The following IMMP2L variants were observed in gnomAD, a reference collection of about 807,000 sequenced individuals.
The protein encoded by IMMP2L is mitochondrial inner membrane protease subunit 2.
A neutral mutation model predicts 19.3 loss-of-function variants in IMMP2L; 18 were observed. The ratio of observed to expected loss-of-function variants is 0.93; its 90% CI spans 0.64 to 1.38. IMMP2L has a LOEUF of 1.38. Among genes scored for constraint, IMMP2L ranks in the 40% most tolerant of loss-of-function variants. IMMP2L has a pLI of 0.00. For synonymous variants in IMMP2L, 76 were observed against 73.0 expected, an observed-to-expected ratio of 1.04 and a Z score of -0.21; for missense variants, 233 against 218.2, an observed-to-expected ratio of 1.07 and a Z score of -0.43.
chr7:110,818,380 C>T (rs571574014), intron 5 of IMMP2L, among the ~76,000 whole-genome samples: 2 of 152,112 alleles, frequency 1.3e-5, no homozygotes, highest in Admixed American at 6.5e-5. Flanking sequence ...TCATCACTGG[C>T]CATCAGAGAA....
intron 3 of IMMP2L, among the ~76,000 whole-genome samples, chr7:111,088,135 C>T (rs949509413): frequency 3.9e-5 from 6 of 151,958 alleles, no homozygotes; most frequent in African/African-American, 1.2e-4. Flanking sequence ...AGCACACAGG[C>T]GAATAAAGCC....
intron 3 of IMMP2L, among the ~76,000 whole-genome samples, chr7:111,039,110 G>A (rs1670896930): frequency 6.6e-6 from 1 of 151,944 alleles, no homozygotes; most frequent in African/African-American, 2.4e-5. Flanking sequence ...CTGCTTTGGA[G>A]GCATAAAGAT....
At chr7:110,670,709 A>AC (rs140999830) in intron 5 of IMMP2L, among the ~76,000 whole-genome samples, 1,477 of 144,618 alleles carry the variant, frequency 0.01, 10 homozygotes, top group African/African-American at 0.017. Flanking sequence ...AAAAAACAAA[A>AC]AAAACAAAAA....
chr7:111,558,471 C>T (rs145556309), intron 1 of IMMP2L, among the ~76,000 whole-genome samples: 1,613 of 152,328 alleles, frequency 0.011, 32 homozygotes, highest in African/African-American at 0.036. Flanking sequence ...ATTACACTCA[C>T]TCACTGAATT....
intron 4 of IMMP2L, among the ~76,000 whole-genome samples, chr7:110,928,757 A>G (rs11973280): frequency 2.0e-5 from 3 of 152,112 alleles, no homozygotes; most frequent in African/African-American, 4.8e-5. Context: ...ATCCCTCACC[A>G]ACTGCTCTAT....
chr7:111,177,130 AC>A (rs1807160124), intron 3 of IMMP2L, among the ~76,000 whole-genome samples: 1 of 151,994 alleles, frequency 6.6e-6, no homozygotes, highest in Non-Finnish European at 1.5e-5. Context: ...AGCACAACAA[AC>A]ACTTGAGTAG....
chr7:111,404,676 C>G (rs893318835), intron 3 of IMMP2L, among the ~76,000 whole-genome samples: 1 of 152,022 alleles, frequency 6.6e-6, no homozygotes, highest in African/African-American at 2.4e-5. Context: ...TTCTTAAGGT[C>G]CCAACACCCT....
At chr7:111,127,913 T>C (rs1801474974) in intron 3 of IMMP2L, among the ~76,000 whole-genome samples, 1 of 152,126 alleles carries the variant, frequency 6.6e-6, no homozygotes, top group African/African-American at 2.4e-5. Flanking sequence ...TACAAAAATA[T>C]ATAAAAACAG....
chr7:111,498,440 T>A (rs2132399752), intron 2 of IMMP2L, among the ~76,000 whole-genome samples: 1 of 152,220 alleles, frequency 6.6e-6, no homozygotes, highest in East Asian at 1.9e-4. Flanking sequence ...GCGGAATCTT[T>A]AACTTCCTCA....
intron 5 of IMMP2L, among the ~76,000 whole-genome samples, chr7:110,780,558 C>T (rs915377301): frequency 1.3e-5 from 2 of 151,702 alleles, no homozygotes; most frequent in Admixed American, 6.6e-5. Flanking sequence ...TCTTCGAACA[C>T]ACAACCCTGC....
chr7:111,087,232 G>A (rs896285464), intron 3 of IMMP2L, among the ~76,000 whole-genome samples: 6 of 152,018 alleles, frequency 3.9e-5, no homozygotes, highest in African/African-American at 7.2e-5. Flanking sequence ...GGCTGATCAC[G>A]AGGTCAGGAG....
chr7:111,171,400 C>T (rs1474613819), intron 3 of IMMP2L, among the ~76,000 whole-genome samples: 2 of 151,540 alleles, frequency 1.3e-5, no homozygotes, highest in African/African-American at 2.4e-5. Context: ...ATTTGAGCCT[C>T]CTAGTTTTAT....
intron 3 of IMMP2L, among the ~76,000 whole-genome samples, chr7:110,963,830 A>G (rs928223719): frequency 6.6e-6 from 1 of 152,036 alleles, no homozygotes; most frequent in Non-Finnish European, 1.5e-5. Flanking sequence ...ACATTTTCTT[A>G]TTAAGGAATA....
At chr7:110,891,685 T>C (rs1810816621) in intron 4 of IMMP2L, among the ~76,000 whole-genome samples, 2 of 152,084 alleles carry the variant, frequency 1.3e-5, no homozygotes, top group Non-Finnish European at 2.9e-5. Flanking sequence ...GAATATAATA[T>C]TTTAAAGATA....
intron 3 of IMMP2L, among the ~76,000 whole-genome samples, chr7:111,306,800 A>G (rs1228746283): frequency 6.6e-6 from 1 of 151,904 alleles, no homozygotes; most frequent in African/African-American, 2.4e-5. Context: ...CTGAATCAAG[A>G]AAAATAAAAC....
chr7:111,115,234 AGAATTCCCCAG>A (rs1169025267), intron 3 of IMMP2L, among the ~76,000 whole-genome samples: 11 of 152,198 alleles, frequency 7.2e-5, no homozygotes, highest in Admixed American at 3.9e-4. Context: ...ATTGTAAATT[AGAATTCCCCAG>A]TATATGGTGT....
intron 2 of IMMP2L, among the ~76,000 whole-genome samples, chr7:111,499,407 G>C (rs563840260): frequency 6.6e-6 from 1 of 151,996 alleles, no homozygotes; most frequent in Non-Finnish European, 1.5e-5. Flanking sequence ...CTTCCTAAGA[G>C]CCCCAAGGTC....
At chr7:110,879,428 A>G (rs1809417181) in intron 5 of IMMP2L, among the ~76,000 whole-genome samples, 1 of 152,036 alleles carries the variant, frequency 6.6e-6, no homozygotes, top group Admixed American at 6.6e-5. Flanking sequence ...TTTATACATA[A>G]AAAGATAAAG....
intron 3 of IMMP2L, among the ~76,000 whole-genome samples, chr7:111,125,983 C>T (rs534566953): frequency 8.2e-4 from 124 of 151,910 alleles, no homozygotes; most frequent in Non-Finnish European, 1.4e-3. Context: ...ACTACATCTC[C>T]GGCTAATTTT....
Sources: allele counts gnomAD v4.1 joint callset (sites outside exome capture counted in the v4.1 genomes callset), GRCh38; gene constraint gnomAD v4.1.1; transcripts MANE v1.5; gene names NCBI Gene and HGNC (gene_info 2026-07-23, HGNC 2026-07-21).